Variants in MYO1E observed in about 807,000 individuals in gnomAD.
MYO1E encodes unconventional myosin-Ie.
Under a neutral mutation model 151.1 loss-of-function variants are expected in MYO1E, and 68 were observed. The observed-to-expected ratio is 0.45, with a 90% CI of 0.37 to 0.55. MYO1E has a LOEUF of 0.55. MYO1E is among the 20% of genes least tolerant of loss of function. The pLI is 0.00. For synonymous variants in MYO1E, 601 were observed against 501.7 expected (o/e 1.20, Z -2.64); for missense variants, 1,363 against 1,389.3 (o/e 0.98, Z 0.30).
At chr15:59,288,527 T>C (rs1247801417) in intron 1 of MYO1E, among the ~76,000 whole-genome samples, 1 of 152,206 alleles carries the variant, frequency 6.6e-6, no homozygotes. Context: ...AGAGATTTCA[T>C]ATTACCCAAG....
intron 2 of MYO1E, among the ~76,000 whole-genome samples, chr15:59,268,698 A>G (rs1303742263): frequency 3.1e-5 from 2 of 64,362 alleles, no homozygotes; most frequent in Admixed American, 3.8e-4. Context: ...ACCTTTGGTG[A>G]TGGGTTCTGG....
At position 59,207,287 on chromosome 15, in the gene MYO1E, A is replaced by G. The variant is rs201609693; in HGVS notation, c.1530+1394T>C. ...AAGGGTGAGACGATGGATCTTCAAC[A>G]TGGCAGCCCTTTCACGAAAATGCCA... On this transcript the variant is annotated intron_variant, in intron 14 of 27. Coordinates refer to ENST00000288235, the MANE Select transcript of MYO1E (RefSeq NM_004998.4). 107 of 1,614,178 alleles carry G rather than the reference A, an allele frequency of 6.6e-5. No homozygotes were observed. Among genetic ancestry groups the G allele is most frequent in the Non-Finnish European group, 8.7e-5 (103 of 1,180,024 alleles).
intron 7 of MYO1E, 53 bp downstream of exon 7, chr15:59,227,404 ATT>A: frequency 6.2e-7 from 1 of 1,607,248 alleles, no homozygotes; most frequent in Non-Finnish European, 8.5e-7. Context: ...TCTGAGAAAT[ATT>A]TTAATGTAGA....
At chr15:59,144,167 A>G (rs185819055) in intron 26 of MYO1E, among the ~76,000 whole-genome samples, 132 of 151,884 alleles carry the variant, frequency 8.7e-4, no homozygotes, top group African/African-American at 3.2e-3. Context: ...TTATTTATTA[A>G]TTTATTTTTA....
chr15:59,231,656 ACAT>A, intron 6 of MYO1E, 43 bp downstream of exon 6: 2 of 1,585,256 alleles, frequency 1.3e-6, no homozygotes, highest in African/African-American at 1.3e-5. Flanking sequence ...AGAAGCATCA[ACAT>A]CATCAATCAA....
chr15:59,311,703 G>A (rs2080553326), intron 1 of MYO1E, among the ~76,000 whole-genome samples: 1 of 152,176 alleles, frequency 6.6e-6, no homozygotes, highest in African/African-American at 2.4e-5. Flanking sequence ...TTCATGTGCT[G>A]AAAACTCAAT....
intron 1 of MYO1E, among the ~76,000 whole-genome samples, chr15:59,362,659 T>G (rs1361249956): frequency 1.3e-5 from 2 of 152,218 alleles, no homozygotes; most frequent in African/African-American, 4.8e-5. Context: ...AAATCTAAAA[T>G]TTTCTATAAG....
chr15:59,156,090 A>C (rs557611375), intron 25 of MYO1E, among the ~76,000 whole-genome samples: 1 of 152,194 alleles, frequency 6.6e-6, no homozygotes, highest in Non-Finnish European at 1.5e-5. Flanking sequence ...TGGCATGATC[A>C]TAGCCACCTC....
chr15:59,213,058 G>A (rs2079889546), intron 12 of MYO1E, among the ~76,000 whole-genome samples: 2 of 151,956 alleles, frequency 1.3e-5, no homozygotes, highest in Non-Finnish European at 2.9e-5. Context: ...CTCAGTTTGT[G>A]GTGCTTTGTT....
chr15:59,166,570 T>C (rs1033429877), intron 22 of MYO1E, among the ~76,000 whole-genome samples: 1 of 152,090 alleles, frequency 6.6e-6, no homozygotes, highest in South Asian at 2.1e-4. Flanking sequence ...TTTTTAAAGC[T>C]GAAAAGGCAA....
intron 10 of MYO1E, among the ~76,000 whole-genome samples, chr15:59,217,629 G>A (rs1242944966): frequency 2.2e-5 from 3 of 138,964 alleles, no homozygotes; most frequent in Non-Finnish European, 4.6e-5. Flanking sequence ...AGGCTCAAGT[G>A]ATCTTAACCA....
In MYO1E at chr15:59,218,060, C is replaced by T. The variant is rs745904531; in HGVS notation, c.938G>A (p.Gly313Glu). ...EFLAFPAYLL[G>E]INQDRLKEKL... is the part of the protein sequence containing the mutation. Reference sequence around the variant, plus strand: ...TTCTTTCAACCGGTCCTGGTTTATCCCTAGCAGATATGCAGGAAAAGCTAA... The same window carrying T: ...TTCTTTCAACCGGTCCTGGTTTATCTCTAGCAGATATGCAGGAAAAGCTAA... The change falls in exon 10 of 28, where the codon GGG becomes GAG. Residue 313 changes from glycine to glutamate, a missense_variant. By Grantham distance (98) the Gly-to-Glu change is moderately conservative (BLOSUM62 -2). Coordinates refer to ENST00000288235, the MANE Select transcript of MYO1E (RefSeq NM_004998.4). 79 of 1,614,050 alleles carry T rather than the reference C, an allele frequency of 4.9e-5. No homozygotes were observed. The highest frequency in any genetic ancestry group is 6.3e-5 in the Non-Finnish European group (74 of 1,180,042).
Position 59,313,062 on chromosome 15 carries a change from T to C in MYO1E, c.4-40613A>G, listed in dbSNP as rs371240801. Among the ~76,000 whole-genome samples the C allele has an allele frequency of 2.8e-4, 42 of 152,300 alleles. 4 individuals carry two copies. The highest frequency in any genetic ancestry group is 1.0e-3 in the African/African-American group (42 of 41,576). Reference sequence around the variant, plus strand: ...TGGGCATGGGGGTGGGGCCCAGCAATCTGTGCTTTAACAAGTCCTCCCGTA... The same window carrying C: ...TGGGCATGGGGGTGGGGCCCAGCAACCTGTGCTTTAACAAGTCCTCCCGTA... On this transcript the variant is annotated intron_variant, in intron 1 of 27. Coordinates refer to ENST00000288235, the MANE Select transcript of MYO1E (RefSeq NM_004998.4).
chr15:59,349,687 T>A (rs2080813371), intron 1 of MYO1E, among the ~76,000 whole-genome samples: 1 of 152,224 alleles, frequency 6.6e-6, no homozygotes, highest in South Asian at 2.1e-4. Flanking sequence ...TGAGGCACTC[T>A]ACATCTGCCA....
intron 1 of MYO1E, among the ~76,000 whole-genome samples, chr15:59,345,418 G>A (rs921573580): frequency 3.9e-5 from 6 of 152,156 alleles, no homozygotes; most frequent in African/African-American, 1.4e-4. Context: ...GGATTCTCCT[G>A]CCTCTGCCTC....
At chr15:59,174,263 T>A (rs1413785149) in intron 19 of MYO1E, 23 bp from the exon 20 acceptor site, 1 of 1,555,672 alleles carries the variant, frequency 6.4e-7, no homozygotes, top group Non-Finnish European at 8.9e-7. Flanking sequence ...AGAAGACAAA[T>A]GTGAGCCAAG....
chr15:59,337,027 A>T (rs370614142), intron 1 of MYO1E, among the ~76,000 whole-genome samples: 4 of 48,302 alleles, frequency 8.3e-5, no homozygotes, highest in South Asian at 6.9e-4. Flanking sequence ...TCCTAGTTTT[A>T]AAAAAAAAAA....
At chr15:59,207,716 C>T (rs1277082482) in intron 14 of MYO1E, 1 of 1,614,002 alleles carries the variant, frequency 6.2e-7, no homozygotes, top group Non-Finnish European at 8.5e-7. Flanking sequence ...GCTGGTGTCC[C>T]TTTGAAGGAT....
At chr15:59,209,687 T>C (rs559468527) in intron 13 of MYO1E, among the ~76,000 whole-genome samples, 1 of 151,710 alleles carries the variant, frequency 6.6e-6, no homozygotes, top group South Asian at 2.1e-4. Flanking sequence ...AATAAATAAA[T>C]AAACATGTAA....
Sources: gnomAD v4.1 joint callset for allele counts (sites outside exome capture counted in the v4.1 genomes callset) on GRCh38, gnomAD v4.1.1 for gene constraint, MANE v1.5 for transcripts, NCBI Gene and HGNC (gene_info 2026-07-23, HGNC 2026-07-21) for gene names.